Variants in PABPC4L observed in about 807,000 individuals in gnomAD.
PABPC4L encodes the protein polyadenylate-binding protein 4-like.
For missense variants in PABPC4L, 452 were observed against 451.4 expected, an observed-to-expected ratio of 1.00 and a Z score of -0.01; for synonymous variants, 169 against 164.1, an observed-to-expected ratio of 1.03 and a Z score of -0.23.
At chr4:134,088,079 A>G in the PABPC4L span, among the ~76,000 whole-genome samples, 2 of 151,810 alleles carry the variant, frequency 1.3e-5, no homozygotes, top group East Asian at 3.9e-4. Context: ...TTTTTCTCTG[A>G]CAGATTTCTG....
chr4:134,045,588 G>T, the PABPC4L span, among the ~76,000 whole-genome samples: 19 of 152,250 alleles, frequency 1.2e-4, no homozygotes, highest in African/African-American at 4.3e-4. Flanking sequence ...CTTACATAAG[G>T]TTAGTTTGTC....
At chr4:134,163,181 T>C in the PABPC4L span, among the ~76,000 whole-genome samples, 628 of 152,178 alleles carry the variant, frequency 4.1e-3, 4 homozygotes, top group African/African-American at 0.013. Flanking sequence ...GGCATTCCAA[T>C]TGACAATAAA....
the PABPC4L span, among the ~76,000 whole-genome samples, chr4:134,176,097 A>C: frequency 6.6e-6 from 1 of 152,130 alleles, no homozygotes; most frequent in East Asian, 1.9e-4. Flanking sequence ...TGAAGAGGTA[A>C]ATCAGAAAGA....
chr4:134,085,583 C>T, the PABPC4L span, among the ~76,000 whole-genome samples: 1 of 152,128 alleles, frequency 6.6e-6, no homozygotes, highest in Non-Finnish European at 1.5e-5. Flanking sequence ...CACTATCGTT[C>T]TCCCCTCCAA....
chr4:134,045,554 A>G, the PABPC4L span, among the ~76,000 whole-genome samples: 2 of 152,192 alleles, frequency 1.3e-5, no homozygotes, highest in Admixed American at 1.3e-4. Context: ...AGTATGAAAC[A>G]GAATACTTTG....
chr4:134,105,646 G>T, the PABPC4L span, among the ~76,000 whole-genome samples: 4 of 151,800 alleles, frequency 2.6e-5, no homozygotes, highest in South Asian at 6.2e-4. Context: ...AATAGGAAAA[G>T]TGTGTTGTTT....
the PABPC4L span, among the ~76,000 whole-genome samples, chr4:134,177,181 CTTTTCTTTT>C: frequency 2.1e-4 from 22 of 103,156 alleles, no homozygotes; most frequent in South Asian, 5.7e-3. Flanking sequence ...TTTTTCTTTT[CTTTTCTTTT>C]TTTTTTTTTT....
At chr4:134,119,454 T>C in the PABPC4L span, among the ~76,000 whole-genome samples, 1 of 151,644 alleles carries the variant, frequency 6.6e-6, no homozygotes, top group African/African-American at 2.4e-5. Context: ...CTTGAGGGTG[T>C]GGGGGGAAAT....
downstream of PABPC4L, among the ~76,000 whole-genome samples, chr4:134,191,925 A>G (rs1236065137): frequency 6.6e-6 from 1 of 152,112 alleles, no homozygotes; most frequent in Non-Finnish European, 1.5e-5. Context: ...TTAAGAATAG[A>G]AAAACAATAG....
the PABPC4L span, among the ~76,000 whole-genome samples, chr4:134,040,358 G>A: frequency 6.7e-3 from 1,013 of 152,106 alleles, 10 homozygotes; most frequent in African/African-American, 0.023. Context: ...AAAACAGCAT[G>A]GTACTGGTAC....
chr4:134,174,221 T>G, the PABPC4L span, among the ~76,000 whole-genome samples: 11 of 152,036 alleles, frequency 7.2e-5, no homozygotes, highest in Non-Finnish European at 1.2e-4. Flanking sequence ...AGCTATCATC[T>G]CCTATCATAA....
At chr4:134,047,543 AC>A in the PABPC4L span, among the ~76,000 whole-genome samples, 1 of 152,182 alleles carries the variant, frequency 6.6e-6, no homozygotes, top group Non-Finnish European at 1.5e-5. Context: ...GCCCTCATTA[AC>A]ACACTGTCAC....
At chr4:133,962,358 G>A in the PABPC4L span, among the ~76,000 whole-genome samples, 1 of 152,186 alleles carries the variant, frequency 6.6e-6, no homozygotes, top group African/African-American at 2.4e-5. Flanking sequence ...GAAAGGCGAA[G>A]CCCAATGCAA....
chr4:134,157,137 T>G, the PABPC4L span, among the ~76,000 whole-genome samples: 1 of 151,818 alleles, frequency 6.6e-6, no homozygotes, highest in African/African-American at 2.4e-5. Context: ...AATAATGTAG[T>G]TTTATTTGTT....
At chr4:134,167,725 C>A in the PABPC4L span, among the ~76,000 whole-genome samples, 2 of 151,914 alleles carry the variant, frequency 1.3e-5, no homozygotes, top group African/African-American at 2.4e-5. Context: ...GGGGTCAACT[C>A]ACTAAGAGTA....
the PABPC4L span, among the ~76,000 whole-genome samples, chr4:134,079,116 T>G: frequency 4.8e-3 from 723 of 151,078 alleles, 7 homozygotes; most frequent in African/African-American, 0.017. Flanking sequence ...GGACTACAGG[T>G]GTGCACCACC....
chr4:134,115,565 G>A, the PABPC4L span, among the ~76,000 whole-genome samples: 1 of 151,522 alleles, frequency 6.6e-6, no homozygotes, highest in Admixed American at 6.6e-5. Context: ...AGAGTCAGGG[G>A]GATGAAAATT....
chr4:134,125,847 C>A, the PABPC4L span, among the ~76,000 whole-genome samples: 2 of 151,924 alleles, frequency 1.3e-5, no homozygotes, highest in African/African-American at 4.8e-5. Flanking sequence ...TTTAAAAAAA[C>A]TGTTGAATTG....
the PABPC4L span, among the ~76,000 whole-genome samples, chr4:134,031,961 A>G: frequency 6.6e-6 from 1 of 151,890 alleles, no homozygotes; most frequent in Non-Finnish European, 1.5e-5. Context: ...TTTTGAAGAG[A>G]AGTATAAAAA....
Sources: allele counts gnomAD v4.1 joint callset (sites outside exome capture counted in the v4.1 genomes callset), GRCh38; gene constraint gnomAD v4.1.1; transcripts MANE v1.5; gene names NCBI Gene and HGNC (gene_info 2026-07-23, HGNC 2026-07-21).